The following TULP4 variants were observed in gnomAD, a reference collection of about 807,000 sequenced individuals.
The protein encoded by TULP4 is TUB like protein 4.
A neutral mutation model predicts 129.0 loss-of-function variants in TULP4; 16 were observed. The ratio of observed to expected loss-of-function variants is 0.12; its 90% CI spans 0.08 to 0.19. The LOEUF (loss-of-function observed/expected upper bound fraction) is 0.19. TULP4 is among the 10% of genes least tolerant of loss of function. The probability of loss-of-function intolerance (pLI) is 1.00; values close to 1 mark genes in which losing one functional copy is unlikely to be tolerated. For synonymous variants in TULP4, 998 were observed against 854.0 expected, an observed-to-expected ratio of 1.17 and a Z score of -2.94; for missense variants, 1,842 against 2,059.1, an observed-to-expected ratio of 0.89 and a Z score of 2.04.
At chr6:158,398,638 G>A (rs1777773454) in intron 1 of TULP4, 1 of 152,236 alleles carries the variant, frequency 6.6e-6, no homozygotes, top group African/African-American at 2.4e-5. Context: ...AAGACTTTCT[G>A]AGGTGGAGGA....
intron 1 of TULP4, chr6:158,398,016 A>G (rs1417037051): frequency 3.9e-5 from 6 of 152,212 alleles, no homozygotes; most frequent in Admixed American, 3.9e-4. Flanking sequence ...TATAAAATAT[A>G]TTAATGGCCT....
intron 1 of TULP4, among the ~76,000 whole-genome samples, chr6:158,251,464 A>AT (rs11384256): frequency 0.33 from 49,930 of 151,966 alleles, 9,193 homozygotes; most frequent in Admixed American, 0.45. Flanking sequence ...AATATAAACT[A>AT]TTTTTTATAT....
At chr6:158,468,114 G>A (rs1331143600) in intron 6 of TULP4, among the ~76,000 whole-genome samples, 2 of 152,124 alleles carry the variant, frequency 1.3e-5, no homozygotes, top group African/African-American at 2.4e-5. Context: ...AAACAGTTGC[G>A]ACTCCACTCG....
intron 1 of TULP4, chr6:158,237,217 T>C (rs1050306208): frequency 6.7e-6 from 5 of 748,200 alleles, no homozygotes; most frequent in Non-Finnish European, 1.1e-5. Flanking sequence ...CAAGGAATTA[T>C]TTATGAAAAT....
Position 158,435,711 on chromosome 6 carries a change from T to TCACCAC in TULP4, c.543+5823_543+5828dup, listed in dbSNP as rs1425642308. Among the ~76,000 whole-genome samples the TCACCAC allele has an allele frequency of 2.0e-5, 3 of 152,158 alleles. No individual in the cohort carries two copies. The South Asian group carries it at 6.2e-4, about 32-fold the overall frequency. On this transcript the variant is annotated intron_variant, in intron 3 of 13. Coordinates refer to ENST00000367097, the MANE Select transcript of TULP4 (RefSeq NM_020245.5). Reference sequence around the variant, plus strand: ...CCTTCACACTGCGACACCATCACCGTCACCACCACCACCATGCTTGCAGAG... The same window carrying TCACCAC: ...CCTTCACACTGCGACACCATCACCGTCACCACCACCACCACCACCATGCTTGCAGAG...
intron 1 of TULP4, among the ~76,000 whole-genome samples, chr6:158,368,991 T>G (rs2114868084): frequency 6.6e-6 from 1 of 152,348 alleles, no homozygotes; most frequent in Non-Finnish European, 1.5e-5. Flanking sequence ...TTGGAGTTAT[T>G]TTATTTTATA....
intron 1 of TULP4, among the ~76,000 whole-genome samples, chr6:158,405,178 GAT>G (rs1464997670): frequency 6.6e-6 from 1 of 152,210 alleles, no homozygotes. Context: ...TGTCTAACAA[GAT>G]AGTTTTTTCA....
chr6:158,297,871 G>A (rs148325282), intron 1 of TULP4, among the ~76,000 whole-genome samples: 4,655 of 152,178 alleles, frequency 0.031, 96 homozygotes, highest in Non-Finnish European at 0.041. Context: ...TTACCAGGGC[G>A]GAGTTTTTTC....
intron 3 of TULP4, among the ~76,000 whole-genome samples, chr6:158,431,745 C>A (rs1376600809): frequency 6.6e-6 from 1 of 152,060 alleles, no homozygotes; most frequent in Non-Finnish European, 1.5e-5. Context: ...TGGTTTCCTG[C>A]TGCCGTGGAA....
At position 158,268,819 on chromosome 6, in the gene TULP4, CT is replaced by C. The variant is rs746095554; in HGVS notation, n.68+36523del. On this transcript the variant is annotated intron_variant and non_coding_transcript_variant, in intron 1 of 1. Coordinates refer to the TULP4 transcript ENST00000620026. ...ATGACTTTTTTCTATTTTTATATGA[CT>C]TTTTTTCCTGTTGTAATATTTTGCT... is the stretch of plus-strand genomic sequence containing the variant. Among the ~76,000 whole-genome samples, 3 of 152,048 alleles carry C rather than the reference CT, an allele frequency of 2.0e-5. No homozygotes were observed. In the East Asian group the frequency reaches 5.8e-4, roughly 29 times the overall value.
chr6:158,331,744 C>CAT (rs1779892016), intron 1 of TULP4, among the ~76,000 whole-genome samples: 1 of 21,802 alleles, frequency 4.6e-5, no homozygotes, highest in African/African-American at 1.0e-4. Context: ...TATATATATA[C>CAT]GTGTATATAC....
At chr6:158,326,069 T>G (rs1779740069) in intron 1 of TULP4, among the ~76,000 whole-genome samples, 1 of 152,234 alleles carries the variant, frequency 6.6e-6, no homozygotes, top group Non-Finnish European at 1.5e-5. Flanking sequence ...TATCATCTAA[T>G]CATTCCAGTA....
At chr6:158,278,445 A>T (rs891713840), upstream of TULP4, among the ~76,000 whole-genome samples, 2 of 151,716 alleles carry the variant, frequency 1.3e-5, no homozygotes, top group African/African-American at 4.8e-5. Context: ...TTTCCAAAAG[A>T]TATTTTTATT....
chr6:158,501,548 CGTCTCT>C (rs1780445191), intron 12 of TULP4, 124 bp from the exon 13 acceptor site: 1 of 926,106 alleles, frequency 1.1e-6, no homozygotes, highest in Non-Finnish European at 1.6e-6. Context: ...CAAGCAGACA[CGTCTCT>C]GTCTCTGGCA....
chr6:158,365,899 C>CTTTTTTTTTTTTTTTTTTTTTTT (rs5881257), intron 1 of TULP4, among the ~76,000 whole-genome samples: 17 of 57,558 alleles, frequency 3.0e-4, no homozygotes, highest in Non-Finnish European at 3.5e-4. Context: ...CTTTTTCTTT[C>CTTTTTTTTTTTTTTTTTTTTTTT]TTTTTTTTTT....
intron 1 of TULP4, chr6:158,237,975 T>C (rs1777752100): frequency 1.4e-6 from 1 of 725,858 alleles, no homozygotes; most frequent in African/African-American, 1.7e-5. Flanking sequence ...GCTTGAAGTT[T>C]GCAGCTTCTT....
intron 1 of TULP4, among the ~76,000 whole-genome samples, chr6:158,244,746 C>T (rs1309037090): frequency 6.6e-6 from 1 of 152,154 alleles, no homozygotes; most frequent in Non-Finnish European, 1.5e-5. Flanking sequence ...AGTCCTAGCA[C>T]TTTGGGAGGC....
At chr6:158,414,261 G>T (rs1778157769) in intron 2 of TULP4, among the ~76,000 whole-genome samples, 1 of 152,206 alleles carries the variant, frequency 6.6e-6, no homozygotes, top group Non-Finnish European at 1.5e-5. Flanking sequence ...TTCAGAGCCT[G>T]CCCCTTGACC....
In TULP4 at chr6:158,507,867, A is replaced by G. The variant is rs2128268982; in HGVS notation, c.*1173A>G. 6.6e-6 allele frequency: 1 copy of G among 152,368 alleles called. No homozygotes were observed. The highest frequency in any genetic ancestry group is 2.1e-4 in the South Asian group (1 of 4,828). The allele number at this position is 152,368 out of a possible 1,614,324, so 9.4% of individuals were successfully genotyped here. On this transcript the variant is annotated 3_prime_UTR_variant, in exon 14 of 14. Coordinates refer to ENST00000367097, the MANE Select transcript of TULP4 (RefSeq NM_020245.5). ...ACCAAAAAAATGTTAAGTGTTCACC[A>G]GGGTATTAAAATACAGAGGAGTATG... is the stretch of plus-strand genomic sequence containing the variant.
Sources: gnomAD v4.1 joint callset for allele counts (sites outside exome capture counted in the v4.1 genomes callset) on GRCh38, gnomAD v4.1.1 for gene constraint, MANE v1.5 for transcripts, NCBI Gene and HGNC (gene_info 2026-07-23, HGNC 2026-07-21) for gene names.